Variants in CORIN observed in about 807,000 individuals in gnomAD.
CORIN encodes atrial natriuretic peptide-converting enzyme.
CORIN carries 117 observed loss-of-function variants against 125.3 expected under a neutral mutation model. That is an observed-to-expected ratio of 0.93 (90% confidence interval 0.80 to 1.09). CORIN has a LOEUF of 1.09. CORIN is among the 50% of genes least tolerant of loss of function. The probability of loss-of-function intolerance (pLI) is 0.00; values close to 1 mark genes in which losing one functional copy is unlikely to be tolerated. For missense variants in CORIN, 1,253 were observed against 1,306.7 expected (o/e 0.96, Z 0.63); for synonymous variants, 450 against 466.4 (o/e 0.96, Z 0.45).
At chr4:47,803,205 A>G (rs1308989599) in intron 2 of CORIN, among the ~76,000 whole-genome samples, 1 of 152,204 alleles carries the variant, frequency 6.6e-6, no homozygotes, top group Non-Finnish European at 1.5e-5. Flanking sequence ...AAAACTGAAG[A>G]GGACACCAAA....
At chr4:47,662,301 G>A (rs908417690) in intron 11 of CORIN, among the ~76,000 whole-genome samples, 4 of 152,082 alleles carry the variant, frequency 2.6e-5, no homozygotes, top group Admixed American at 2.0e-4. Flanking sequence ...CCAGCCTTGT[G>A]AGCCATCTCA....
chr4:47,811,727 G>T (rs142688333), intron 1 of CORIN, among the ~76,000 whole-genome samples: 132 of 152,286 alleles, frequency 8.7e-4, no homozygotes, highest in African/African-American at 3.0e-3. Flanking sequence ...TAAATATATA[G>T]AACAGGGATC....
At chr4:47,753,427 G>C (rs1728997359) in intron 4 of CORIN, among the ~76,000 whole-genome samples, 1 of 152,104 alleles carries the variant, frequency 6.6e-6, no homozygotes, top group Non-Finnish European at 1.5e-5. Flanking sequence ...ACTTTACCAG[G>C]ACGCGATCTT....
At chr4:47,640,431 T>G (rs575733904) in intron 16 of CORIN, among the ~76,000 whole-genome samples, 1 of 152,298 alleles carries the variant, frequency 6.6e-6, no homozygotes, top group South Asian at 2.1e-4. Flanking sequence ...ATATCCAGAA[T>G]AGGCCAATTT....
intron 5 of CORIN, among the ~76,000 whole-genome samples, chr4:47,728,622 A>C (rs564040407): frequency 6.6e-6 from 1 of 152,336 alleles, no homozygotes; most frequent in African/African-American, 2.4e-5. Flanking sequence ...ATGATCATAC[A>C]TATTAAATAA....
intron 10 of CORIN, among the ~76,000 whole-genome samples, chr4:47,667,524 T>G (rs1227483879): frequency 6.6e-6 from 1 of 152,192 alleles, no homozygotes; most frequent in Non-Finnish European, 1.5e-5. Context: ...ATTATTTGAC[T>G]AAGAAGTGGT....
At chr4:47,613,385 G>A (rs1293861248) in intron 19 of CORIN, among the ~76,000 whole-genome samples, 1 of 152,128 alleles carries the variant, frequency 6.6e-6, no homozygotes, top group Non-Finnish European at 1.5e-5. Flanking sequence ...CCTAGGAGGT[G>A]GAGGTTTCAG....
chr4:47,663,944 C>A (rs918290981), intron 11 of CORIN, among the ~76,000 whole-genome samples: 3 of 152,070 alleles, frequency 2.0e-5, no homozygotes, highest in African/African-American at 7.2e-5. Context: ...TTATTATTTC[C>A]TGTCCTGTCT....
Position 47,673,290 on chromosome 4 carries a change from C to T in CORIN, c.1357+1103G>A, listed in dbSNP as rs928803468. On this transcript the variant is annotated intron_variant, in intron 10 of 21. Coordinates refer to ENST00000273857, the MANE Select transcript of CORIN (RefSeq NM_006587.4). ...ACTTGGGAGGCTGAGGCAGGAGAAT[C>T]GCTTGAACCTGGGAGGCGGAGGTTG... Among the ~76,000 whole-genome samples, 44 of 151,298 alleles carry T rather than the reference C, an allele frequency of 2.9e-4. 1 individual carries two copies. Among genetic ancestry groups the T allele is most frequent in the African/African-American group, 1.1e-3 (44 of 41,180 alleles).
intron 10 of CORIN, among the ~76,000 whole-genome samples, chr4:47,669,581 T>G (rs192927233): frequency 9.3e-4 from 141 of 150,906 alleles, no homozygotes; most frequent in South Asian, 4.6e-3. Context: ...GCTTTTTTTT[T>G]TTTTTGTGAC....
In CORIN at chr4:47,691,870, G is replaced by A. The variant is rs1442625141; in HGVS notation, c.913+1100C>T. 2.0e-5 allele frequency among the ~76,000 whole-genome samples: 3 copies of A among 152,120 alleles called. No individual in the cohort carries two copies. In the East Asian group the frequency reaches 5.8e-4, roughly 29 times the overall value. The stretch of plus-strand genomic sequence containing the variant: ...TTCAGCAGGACAAAGGAGCGTCCTA[G>A]CCCATCAGATGAAAGATGAGTTGGT... On this transcript the variant is annotated intron_variant, in intron 6 of 21. Coordinates refer to ENST00000273857, the MANE Select transcript of CORIN (RefSeq NM_006587.4).
intron 4 of CORIN, among the ~76,000 whole-genome samples, chr4:47,750,667 G>C (rs1293112735): frequency 6.6e-6 from 1 of 152,318 alleles, no homozygotes; most frequent in Middle Eastern, 3.4e-3. Flanking sequence ...GCCTCTTACA[G>C]TGAGTGGGTT....
intron 1 of CORIN, among the ~76,000 whole-genome samples, chr4:47,820,731 T>C (rs1054711111): frequency 2.0e-5 from 3 of 152,086 alleles, no homozygotes; most frequent in African/African-American, 7.2e-5. Context: ...AGTGATCTGA[T>C]AAACTGTGCT....
intron 9 of CORIN, among the ~76,000 whole-genome samples, chr4:47,675,877 T>C (rs1348903288): frequency 6.6e-6 from 1 of 152,042 alleles, no homozygotes; most frequent in Non-Finnish European, 1.5e-5. Context: ...CCAGCTAAAA[T>C]ACATTTAAAG....
chr4:47,623,978 A>G, intron 17 of CORIN, 30 bp from the exon 18 acceptor site: 3 of 1,577,398 alleles, frequency 1.9e-6, no homozygotes, highest in Non-Finnish European at 2.6e-6. Context: ...ATGGTATAAC[A>G]TTAAGTTACA....
Position 47,786,807 on chromosome 4 carries a change from C to G in CORIN, c.327G>C (p.Val109=), listed in dbSNP as rs1225093688. Residue 109 remains valine, a synonymous_variant, in exon 3 of 22, where the codon GTG becomes GTC. Transcript: ENST00000273857. The stretch of plus-strand genomic sequence containing the variant: ...CGTGTTGGTCGGGATGTGCAGTAGA[C>G]ACCACAGTGCTCTGGTTATAAATTG... ...TNTIYNQSTV[V]STAHPDQHVP... 1.9e-6 allele frequency: 3 copies of G among 1,613,980 alleles called. No individual in the cohort carries two copies. In the Admixed American group the frequency reaches 5.0e-5, roughly 27 times the overall value.
chr4:47,787,036 A>C (rs1417481833), intron 2 of CORIN, 111 bp from the exon 3 acceptor site: 1 of 755,552 alleles, frequency 1.3e-6, no homozygotes, highest in Non-Finnish European at 2.1e-6. Context: ...ATGTCATTCT[A>C]ACCAGGTAAA....
At chr4:47,615,519 T>A (rs970530890) in intron 19 of CORIN, among the ~76,000 whole-genome samples, 25 of 152,152 alleles carry the variant, frequency 1.6e-4, no homozygotes, top group African/African-American at 5.6e-4. Context: ...GTAATCAAGT[T>A]AAAATAACCT....
intron 3 of CORIN, among the ~76,000 whole-genome samples, chr4:47,775,464 G>A (rs1053223770): frequency 6.6e-6 from 1 of 152,020 alleles, no homozygotes; most frequent in Non-Finnish European, 1.5e-5. Flanking sequence ...TGAGAACATG[G>A]GGTGTTTGGT....
Sources: gnomAD v4.1 joint callset for allele counts (sites outside exome capture counted in the v4.1 genomes callset) on GRCh38, gnomAD v4.1.1 for gene constraint, MANE v1.5 for transcripts, NCBI Gene and HGNC (gene_info 2026-07-23, HGNC 2026-07-21) for gene names.